The following OSBPL9 variants were observed in gnomAD, a reference collection of about 807,000 sequenced individuals.
OSBPL9 encodes the protein oxysterol binding protein like 9, also known as oxysterol-binding protein-related protein 9.
OSBPL9 carries 40 observed loss-of-function variants against 106.6 expected under a neutral mutation model. That is an observed-to-expected ratio of 0.38 (90% CI 0.29 to 0.49). The LOEUF is 0.49. Ranked by LOEUF, OSBPL9 falls within the 20% of genes least tolerant of loss-of-function variation. The pLI is 0.97. For missense variants in OSBPL9, 609 were observed against 887.2 expected, an observed-to-expected ratio of 0.69 and a Z score of 3.98; for synonymous variants, 269 against 295.4, an observed-to-expected ratio of 0.91 and a Z score of 0.92.
intron 3 of OSBPL9, among the ~76,000 whole-genome samples, chr1:51,673,266 T>G (rs1045832022): frequency 1.3e-5 from 2 of 152,166 alleles, no homozygotes; most frequent in African/African-American, 2.4e-5. Flanking sequence ...TGAGAAATGA[T>G]TACAGGATTT....
upstream of OSBPL9, among the ~76,000 whole-genome samples, chr1:51,574,458 A>G (rs998439743): frequency 3.9e-5 from 6 of 152,178 alleles, no homozygotes; most frequent in African/African-American, 1.4e-4. Flanking sequence ...TCTCTACTAA[A>G]AATATAAAAA....
intron 2 of OSBPL9, among the ~76,000 whole-genome samples, chr1:51,661,003 A>T (rs1647111280): frequency 6.6e-6 from 1 of 152,190 alleles, no homozygotes; most frequent in South Asian, 2.1e-4. Context: ...AATTTTTTTT[A>T]AACCTGAGTC....
the OSBPL9 span, among the ~76,000 whole-genome samples, chr1:51,555,586 G>T: frequency 6.6e-6 from 1 of 152,054 alleles, no homozygotes; most frequent in African/African-American, 2.4e-5. Flanking sequence ...TTTATTTTTT[G>T]AGAGGGAGTC....
chr1:51,606,986 C>G (rs1455730625), intron 2 of OSBPL9, among the ~76,000 whole-genome samples: 1 of 151,220 alleles, frequency 6.6e-6, no homozygotes, highest in Non-Finnish European at 1.5e-5. Flanking sequence ...GGAGGCGGAG[C>G]TTGCAGTGAG....
intron 14 of OSBPL9, 55 bp from the exon 15 acceptor site, chr1:51,776,778 C>G: frequency 7.1e-6 from 7 of 979,536 alleles, no homozygotes; most frequent in Non-Finnish European, 9.1e-6. Context: ...TTTTTTTAGT[C>G]TGTTTATCTG....
chr1:51,677,597 G>A (rs1487887792), intron 3 of OSBPL9, among the ~76,000 whole-genome samples: 2 of 151,910 alleles, frequency 1.3e-5, no homozygotes, highest in Admixed American at 1.3e-4. Context: ...TGTCGCCCAG[G>A]CTGGAGTGCA....
intron 6 of OSBPL9, among the ~76,000 whole-genome samples, chr1:51,747,225 C>T (rs1176531667): frequency 6.6e-6 from 1 of 152,172 alleles, no homozygotes; most frequent in Non-Finnish European, 1.5e-5. Flanking sequence ...CCTTGACCTC[C>T]CAAAGTGCTG....
chr1:51,624,447 G>C (rs1309251246), intron 1 of OSBPL9, among the ~76,000 whole-genome samples: 1 of 151,924 alleles, frequency 6.6e-6, no homozygotes, highest in Admixed American at 6.6e-5. Flanking sequence ...AATTAGCCGG[G>C]CATGGTGGTA....
chr1:51,534,673 C>T, the OSBPL9 span, among the ~76,000 whole-genome samples: 1 of 152,246 alleles, frequency 6.6e-6, no homozygotes, highest in African/African-American at 2.4e-5. Flanking sequence ...GTTTTCAGAA[C>T]TCAGTACCAA....
At chr1:51,718,867 C>T (rs370977436) in intron 4 of OSBPL9, among the ~76,000 whole-genome samples, 6 of 152,238 alleles carry the variant, frequency 3.9e-5, no homozygotes, top group Non-Finnish European at 8.8e-5. Flanking sequence ...TTGAATATTT[C>T]GAAGAAAACA....
intron 3 of OSBPL9, among the ~76,000 whole-genome samples, chr1:51,701,197 C>G (rs926323724): frequency 2.0e-5 from 3 of 152,206 alleles, no homozygotes; most frequent in Non-Finnish European, 4.4e-5. Flanking sequence ...GCCTCGGCCA[C>G]CCAAAGTGAT....
chr1:51,716,904 C>T (rs1301753712), intron 4 of OSBPL9, among the ~76,000 whole-genome samples: 1 of 152,112 alleles, frequency 6.6e-6, no homozygotes, highest in East Asian at 1.9e-4. Flanking sequence ...ACTCCCCCCA[C>T]CCACTTCAGT....
the OSBPL9 span, among the ~76,000 whole-genome samples, chr1:51,524,896 C>T: frequency 6.6e-6 from 1 of 152,164 alleles, no homozygotes; most frequent in Non-Finnish European, 1.5e-5. Context: ...CTTTCATCTG[C>T]AGGTTTCAAA....
intron 13 of OSBPL9, 116 bp from the exon 14 acceptor site, chr1:51,772,489 C>G (rs1674148562): frequency 2.3e-6 from 2 of 887,644 alleles, no homozygotes; most frequent in Admixed American, 3.5e-5. Flanking sequence ...GCACTCCAGC[C>G]TGGGCGAAAG....
chr1:51,671,000 C>T (rs759619608), intron 3 of OSBPL9, among the ~76,000 whole-genome samples: 1 of 152,162 alleles, frequency 6.6e-6, no homozygotes, highest in Non-Finnish European at 1.5e-5. Flanking sequence ...TTCTGATTTA[C>T]TTTTAAATTA....
At chr1:51,738,602 C>G (rs548667888) in intron 4 of OSBPL9, among the ~76,000 whole-genome samples, 179 of 152,102 alleles carry the variant, frequency 1.2e-3, no homozygotes, top group Non-Finnish European at 2.1e-3. Flanking sequence ...GCTCTGTTTT[C>G]CATACTGTGT....
the OSBPL9 span, among the ~76,000 whole-genome samples, chr1:51,523,404 G>A: frequency 6.6e-6 from 1 of 151,954 alleles, no homozygotes; most frequent in Admixed American, 6.6e-5. Flanking sequence ...ACCGCACCCA[G>A]ACAAATTGCT....
In OSBPL9 at chr1:51,729,809, GGGGGTGAA is replaced by G. The variant is rs922711840; in HGVS notation, c.319-15722_319-15715del. ...CCGGGGAGGGGACGGGAAAGGGGTGGGGGGTGAAGGGGGTGAAGGGGGTGTCCCGGGGG... is the reference window on the plus strand; with the variant it reads ...CCGGGGAGGGGACGGGAAAGGGGTGGGGGGGTGAAGGGGGTGTCCCGGGGG... On this transcript the variant is annotated intron_variant, in intron 4 of 23. Transcript: ENST00000428468. This position sits in a 1 kb window ranked among gnomAD's most constrained non-coding sequence, Gnocchi z 5.1. The G allele has an allele frequency of 4.4e-4, 539 of 1,230,666 alleles. 1 individual carries two copies. In the African/African-American group the frequency reaches 4.9e-3, roughly 11 times the overall value. 76.2% of individuals were successfully genotyped at this position (1,230,666 alleles called of 1,614,324 possible).
the OSBPL9 span, among the ~76,000 whole-genome samples, chr1:51,541,445 C>T: frequency 6.6e-6 from 1 of 152,206 alleles, no homozygotes; most frequent in African/African-American, 2.4e-5. Flanking sequence ...TCCTGTTAGT[C>T]ATAGTTTTTA....
Sources: gnomAD v4.1 joint callset for allele counts (sites outside exome capture counted in the v4.1 genomes callset) on GRCh38, gnomAD v4.1.1 for gene constraint, Gnocchi (gnomAD v3.1) non-coding constraint, MANE v1.5 for transcripts, NCBI Gene and HGNC (gene_info 2026-07-23, HGNC 2026-07-21) for gene names.